LIN28B: variants seen among roughly 807,000 people sequenced by gnomAD.
LIN28B encodes protein lin-28 homolog B.
LIN28B carries 5 observed loss-of-function variants against 21.9 expected under a neutral mutation model. The observed-to-expected ratio is 0.23, with a 90% CI of 0.12 to 0.48. The LOEUF is 0.48. Among genes scored for constraint, LIN28B ranks in the 20% least tolerant of loss-of-function variants. The pLI is 0.98. For synonymous variants in LIN28B, 109 were observed against 111.3 expected (o/e 0.98, Z 0.13); for missense variants, 245 against 310.5 (o/e 0.79, Z 1.58).
intron 3 of LIN28B, among the ~76,000 whole-genome samples, chr6:105,060,211 T>A (rs767873382): frequency 6.6e-6 from 1 of 152,146 alleles, no homozygotes; most frequent in Non-Finnish European, 1.5e-5. Context: ...CCTTTTACTC[T>A]GTTTTTTAAT....
intron 2 of LIN28B, among the ~76,000 whole-genome samples, chr6:104,976,224 A>G (rs1026077629): frequency 2.6e-5 from 4 of 152,208 alleles, no homozygotes; most frequent in African/African-American, 9.7e-5. Context: ...AAGGGATCAG[A>G]CAATTTCATC....
At chr6:105,076,584 A>G (rs768212155) in intron 3 of LIN28B, among the ~76,000 whole-genome samples, 2 of 152,066 alleles carry the variant, frequency 1.3e-5, no homozygotes, top group Admixed American at 6.5e-5. Flanking sequence ...GTCTGGACTT[A>G]AGCCAATTTT....
chr6:105,042,743 C>T (rs1344031891), intron 3 of LIN28B, among the ~76,000 whole-genome samples: 1 of 151,966 alleles, frequency 6.6e-6, no homozygotes, highest in Non-Finnish European at 1.5e-5. Flanking sequence ...CTTCAGATGT[C>T]AGTGGGAGCC....
At chr6:104,957,605 T>G (rs918142133) in intron 1 of LIN28B, among the ~76,000 whole-genome samples, 3 of 151,752 alleles carry the variant, frequency 2.0e-5, no homozygotes, top group Non-Finnish European at 4.4e-5. Flanking sequence ...AATTGAAAGT[T>G]ATGGGGGGGA....
intron 3 of LIN28B, among the ~76,000 whole-genome samples, chr6:105,047,899 C>T (rs1189093049): frequency 6.6e-5 from 10 of 152,146 alleles, no homozygotes; most frequent in Non-Finnish European, 1.0e-4. Flanking sequence ...ATTTGCTTAT[C>T]GGCTTAAGGA....
chr6:105,013,997 C>T (rs1230274517), intron 2 of LIN28B, among the ~76,000 whole-genome samples: 1 of 152,102 alleles, frequency 6.6e-6, no homozygotes, highest in Non-Finnish European at 1.5e-5. Context: ...GTTGAAAGCA[C>T]TGACTTTTAT....
intron 3 of LIN28B, among the ~76,000 whole-genome samples, chr6:105,039,518 T>G (rs2114363094): frequency 6.6e-6 from 1 of 152,276 alleles, no homozygotes; most frequent in Middle Eastern, 3.4e-3. Context: ...CTATATTAAT[T>G]TTTTAAAACC....
chr6:105,046,333 A>G (rs1771761093), intron 3 of LIN28B, among the ~76,000 whole-genome samples: 1 of 152,202 alleles, frequency 6.6e-6, no homozygotes, highest in African/African-American at 2.4e-5. Flanking sequence ...ATGTCCCTAC[A>G]AAGGACATGA....
intron 2 of LIN28B, among the ~76,000 whole-genome samples, chr6:104,950,137 A>G (rs1778203778): frequency 6.6e-6 from 1 of 152,162 alleles, no homozygotes; most frequent in South Asian, 2.1e-4. Context: ...AAATACTAGT[A>G]TTTTAAAATT....
intron 2 of LIN28B, among the ~76,000 whole-genome samples, chr6:105,006,214 T>C (rs144435935): frequency 7.2e-5 from 11 of 152,308 alleles, no homozygotes; most frequent in African/African-American, 2.4e-4. Flanking sequence ...TTTTTACTTA[T>C]CAGCCCTAAG....
At chr6:104,953,295 A>G (rs371244499), upstream of LIN28B, among the ~76,000 whole-genome samples, 491 of 152,054 alleles carry the variant, frequency 3.2e-3, 2 homozygotes, top group Non-Finnish European at 5.1e-3. Context: ...AAGACAGCTC[A>G]GTTTTAGGCA....
chr6:104,952,681 GAAATTTTGAAATATAAAGGC>G (rs1158301524), upstream of LIN28B, among the ~76,000 whole-genome samples: 13 of 152,246 alleles, frequency 8.5e-5, no homozygotes, highest in African/African-American at 3.1e-4. Context: ...AATGTAAAGG[GAAATTTTGAAATATAAAGGC>G]AAATTTTGAA....
At chr6:105,043,762 G>GTATTT (rs1400865784) in intron 3 of LIN28B, among the ~76,000 whole-genome samples, 1 of 151,814 alleles carries the variant, frequency 6.6e-6, no homozygotes, top group Non-Finnish European at 1.5e-5. Flanking sequence ...TGTATTTTTA[G>GTATTT]TAGAGATGGG....
chr6:105,003,043 A>C (rs371091772), intron 2 of LIN28B, among the ~76,000 whole-genome samples: 2 of 152,318 alleles, frequency 1.3e-5, no homozygotes, highest in African/African-American at 4.8e-5. Context: ...CTTCATCTCT[A>C]AATTGTAGGT....
intron 2 of LIN28B, among the ~76,000 whole-genome samples, chr6:104,945,753 T>G (rs1778148710): frequency 6.6e-6 from 1 of 152,130 alleles, no homozygotes; most frequent in Non-Finnish European, 1.5e-5. Flanking sequence ...CAAAACTAAC[T>G]GTGCTGTGGC....
intron 3 of LIN28B, among the ~76,000 whole-genome samples, chr6:105,063,462 C>G (rs1365616959): frequency 6.6e-6 from 1 of 152,020 alleles, no homozygotes; most frequent in South Asian, 2.1e-4. Flanking sequence ...ATGGTAAAAA[C>G]CCATCTCTAC....
At chr6:104,966,781 C>T (rs1184030235) in intron 2 of LIN28B, among the ~76,000 whole-genome samples, 1 of 152,056 alleles carries the variant, frequency 6.6e-6, no homozygotes, top group Non-Finnish European at 1.5e-5. Flanking sequence ...GCCACCACGC[C>T]CGGCTAATTT....
intron 3 of LIN28B, among the ~76,000 whole-genome samples, chr6:105,066,272 T>C (rs981313508): frequency 2.6e-5 from 4 of 152,228 alleles, no homozygotes; most frequent in Non-Finnish European, 5.9e-5. Flanking sequence ...GAGAGGTGTT[T>C]TAACATTCTG....
Position 105,006,952 on chromosome 6 carries a change from G to A in LIN28B, c.199-19346G>A, listed in dbSNP as rs73521912. On this transcript the variant is annotated intron_variant, in intron 2 of 3. Transcript: ENST00000345080. Reference sequence around the variant, plus strand: ...AAGCCTGCTTTTGTCCGGAAGACAAGGGTGACCAGAATATTTGTAACAACT... The same window carrying A: ...AAGCCTGCTTTTGTCCGGAAGACAAAGGTGACCAGAATATTTGTAACAACT... Among the ~76,000 whole-genome samples the A allele has an allele frequency of 6.3e-3, 952 of 152,302 alleles. 9 individuals are homozygous for A. The highest frequency in any genetic ancestry group is 0.022 in the African/African-American group (911 of 41,560).
Sources: gnomAD v4.1 joint callset for allele counts (sites outside exome capture counted in the v4.1 genomes callset) on GRCh38, gnomAD v4.1.1 for gene constraint, MANE v1.5 for transcripts, NCBI Gene and HGNC (gene_info 2026-07-23, HGNC 2026-07-21) for gene names.